Variants in PCSK2 observed in about 807,000 individuals in gnomAD.
PCSK2 encodes the protein proprotein convertase subtilisin/kexin type 2.
Under a neutral mutation model 69.7 loss-of-function variants are expected in PCSK2, and 14 were observed. The ratio of observed to expected loss-of-function variants is 0.20; its 90% confidence interval spans 0.13 to 0.31. PCSK2 has a LOEUF of 0.31. PCSK2 is among the 10% of genes least tolerant of loss of function. The pLI is 1.00. For missense variants in PCSK2, 544 were observed against 842.5 expected (o/e 0.65, Z 4.39); for synonymous variants, 307 against 320.7 (o/e 0.96, Z 0.46).
intron 5 of PCSK2, among the ~76,000 whole-genome samples, chr20:17,387,060 A>T (rs981711817): frequency 6.6e-6 from 1 of 152,220 alleles, no homozygotes; most frequent in African/African-American, 2.4e-5. Context: ...GAATGGCACC[A>T]ATAAGGATCA....
At chr20:17,421,627 C>T (rs773791615) in intron 6 of PCSK2, among the ~76,000 whole-genome samples, 9 of 152,110 alleles carry the variant, frequency 5.9e-5, no homozygotes, top group Non-Finnish European at 1.2e-4. Flanking sequence ...AAGACAAAGA[C>T]AGCCTCATGT....
intron 2 of PCSK2, among the ~76,000 whole-genome samples, chr20:17,288,253 G>C (rs1261166426): frequency 6.6e-6 from 1 of 152,166 alleles, no homozygotes; most frequent in Non-Finnish European, 1.5e-5. Context: ...TGCTACCCTA[G>C]GGCACATGAG....
chr20:17,246,531 TA>T (rs1438235137), intron 1 of PCSK2, among the ~76,000 whole-genome samples: 1 of 152,132 alleles, frequency 6.6e-6, no homozygotes, highest in South Asian at 2.1e-4. Flanking sequence ...AAGGAGAATG[TA>T]AAAGTATGAA....
At chr20:17,422,339 G>A (rs2032150568) in intron 6 of PCSK2, among the ~76,000 whole-genome samples, 1 of 151,978 alleles carries the variant, frequency 6.6e-6, no homozygotes, top group African/African-American at 2.4e-5. Flanking sequence ...TTTCATAGCT[G>A]ATCAAATAGT....
chr20:17,262,668 T>C (rs1173032678), intron 2 of PCSK2, among the ~76,000 whole-genome samples: 1 of 152,170 alleles, frequency 6.6e-6, no homozygotes, highest in Non-Finnish European at 1.5e-5. Context: ...TGTGGGTTTA[T>C]AGCTGTTAAA....
intron 2 of PCSK2, among the ~76,000 whole-genome samples, chr20:17,278,397 A>T (rs1048771416): frequency 2.1e-4 from 32 of 152,254 alleles, no homozygotes; most frequent in Non-Finnish European, 2.6e-4. Flanking sequence ...GCCATAAAAA[A>T]TGATGAGTTC....
rs774361715 is a variant in PCSK2 at position 17,433,812 on chromosome 20, T to TCTCTCTCTCTCCCCC, written c.710-2895_710-2894insTCTCTCTCTCCCCCC. 5.8e-5 allele frequency among the ~76,000 whole-genome samples: 6 copies of TCTCTCTCTCTCCCCC among 104,172 alleles called. 1 individual carries two copies. The highest frequency in any genetic ancestry group is 7.6e-4 in the East Asian group (2 of 2,620). The allele number at this position is 104,172 out of a possible 152,430, so 68.3% of individuals were successfully genotyped here. ...CTCTCTCTCTCTCTCTCTCTCTCTC[T>TCTCTCTCTCTCCCCC]CCCCCCACTTCCTTCCCTCCTCCTC... On this transcript the variant is annotated intron_variant, in intron 7 of 11. Coordinates refer to ENST00000262545, the MANE Select transcript of PCSK2 (RefSeq NM_002594.5).
intron 5 of PCSK2, among the ~76,000 whole-genome samples, chr20:17,404,816 G>A (rs752186629): frequency 1.3e-5 from 2 of 152,238 alleles, no homozygotes; most frequent in Non-Finnish European, 2.9e-5. Flanking sequence ...AACTCTTTCC[G>A]ATAAAAGGCC....
At chr20:17,263,209 T>G in intron 2 of PCSK2, 1 of 793,112 alleles carries the variant, frequency 1.3e-6, no homozygotes, top group Non-Finnish European at 1.5e-6. Flanking sequence ...GATGTTTGCC[T>G]CTCATGTAAC....
chr20:17,233,406 G>A (rs535916406), intron 1 of PCSK2, among the ~76,000 whole-genome samples: 1 of 152,250 alleles, frequency 6.6e-6, no homozygotes, highest in African/African-American at 2.4e-5. Flanking sequence ...AGTAGCTGTG[G>A]GTTATACTTG....
intron 2 of PCSK2, among the ~76,000 whole-genome samples, chr20:17,337,135 G>A (rs530603971): frequency 2.2e-4 from 34 of 152,282 alleles, no homozygotes; most frequent in African/African-American, 7.5e-4. Context: ...GAAATCACTC[G>A]CAATTCACAC....
chr20:17,311,717 C>T (rs911593937), intron 2 of PCSK2, among the ~76,000 whole-genome samples: 3 of 152,102 alleles, frequency 2.0e-5, no homozygotes, highest in African/African-American at 7.2e-5. Flanking sequence ...GGAAGCACAA[C>T]CCCCATAGAT....
At chr20:17,371,052 G>A (rs2030745599) in intron 5 of PCSK2, among the ~76,000 whole-genome samples, 1 of 152,174 alleles carries the variant, frequency 6.6e-6, no homozygotes, top group Non-Finnish European at 1.5e-5. Flanking sequence ...GCAGCCACGT[G>A]GAGTTCTGCT....
intron 2 of PCSK2, among the ~76,000 whole-genome samples, chr20:17,298,344 T>TG (rs760076592): frequency 1.3e-5 from 2 of 152,146 alleles, no homozygotes; most frequent in Non-Finnish European, 2.9e-5. Flanking sequence ...CACATAGAAA[T>TG]GGGGTGATTT....
chr20:17,242,474 C>A (rs1934885), intron 1 of PCSK2, among the ~76,000 whole-genome samples: 150,944 of 152,382 alleles, frequency 0.99, 74,762 homozygotes, highest in East Asian at 1. Flanking sequence ...TGCCCAAGGA[C>A]AAGCACACTT....
intron 7 of PCSK2, among the ~76,000 whole-genome samples, chr20:17,432,919 A>C (rs1029508247): frequency 6.6e-6 from 1 of 152,228 alleles, no homozygotes; most frequent in Non-Finnish European, 1.5e-5. Flanking sequence ...CAAATAAAAA[A>C]AAATCAGATA....
intron 5 of PCSK2, among the ~76,000 whole-genome samples, chr20:17,387,291 C>T (rs1417308272): frequency 6.6e-6 from 1 of 152,146 alleles, no homozygotes; most frequent in Non-Finnish European, 1.5e-5. Context: ...CTCAGATTAC[C>T]CCCAAAACAT....
intron 5 of PCSK2, among the ~76,000 whole-genome samples, chr20:17,386,858 A>G (rs1050732951): frequency 2.0e-5 from 3 of 152,208 alleles, no homozygotes; most frequent in Admixed American, 6.5e-5. Context: ...TTTCCTCCCA[A>G]CACTCCAATG....
At chr20:17,363,809 T>C (rs2123220127) in intron 4 of PCSK2, among the ~76,000 whole-genome samples, 1 of 152,320 alleles carries the variant, frequency 6.6e-6, no homozygotes, top group South Asian at 2.1e-4. Context: ...CTGCTTAGCA[T>C]TTTGGAAATA....
Sources: gnomAD v4.1 joint callset for allele counts (sites outside exome capture counted in the v4.1 genomes callset) on GRCh38, gnomAD v4.1.1 for gene constraint, MANE v1.5 for transcripts, NCBI Gene and HGNC (gene_info 2026-07-23, HGNC 2026-07-21) for gene names.